Variants in DNAJC18 observed in about 807,000 individuals in gnomAD.
The protein encoded by DNAJC18 is dnaJ homolog subfamily C member 18.
Under a neutral mutation model 48.6 loss-of-function variants are expected in DNAJC18, and 40 were observed. That is an observed-to-expected ratio of 0.82 (90% CI 0.64 to 1.07). The LOEUF (loss-of-function observed/expected upper bound fraction) is 1.07, where lower values mean the gene tolerates loss of function less well. Ranked by LOEUF, DNAJC18 falls within the 50% of genes least tolerant of loss-of-function variation. The pLI is 0.00. For missense variants in DNAJC18, 340 were observed against 427.7 expected, an observed-to-expected ratio of 0.79 and a Z score of 1.81; for synonymous variants, 135 against 152.2, an observed-to-expected ratio of 0.89 and a Z score of 0.83.
chr5:139,426,227 A>G lies in DNAJC18; in HGVS notation c.504T>C (p.Ala168=). 6.2e-7 allele frequency: 1 copy of G among 1,614,256 alleles called. No individual in the cohort carries two copies. The highest frequency in any genetic ancestry group is 1.1e-5 in the South Asian group (1 of 91,088). ...RPYNYYRDFE[A]DITPEELFNV... ...TGAACAGCTCTTCTGGAGTGATGTC[A>G]GCTTCAAAATCCCTGTAATAATTAT... The change falls in exon 4 of 8, where the codon GCT becomes GCC. Residue 168 remains alanine, a synonymous_variant. Coordinates refer to ENST00000302060, the MANE Select transcript of DNAJC18 (RefSeq NM_152686.4).
In DNAJC18 at chr5:139,411,612, A is replaced by G. The variant is rs2152081633; in HGVS notation, c.*2536T>C. ...ATCAAATAGATAAATCCTTCAACCA[A>G]AAGCAAATACGGTTCCCTTGAGGAA... is the stretch of plus-strand genomic sequence containing the variant. On this transcript the variant is annotated 3_prime_UTR_variant, in exon 8 of 8. Coordinates refer to ENST00000302060, the MANE Select transcript of DNAJC18 (RefSeq NM_152686.4). The G allele has an allele frequency of 6.6e-6, 1 of 152,330 alleles. No homozygotes were observed. Among genetic ancestry groups the G allele is most frequent in the South Asian group, 2.1e-4 (1 of 4,832 alleles). 9.4% of individuals were successfully genotyped at this position (152,330 alleles called of 1,614,324 possible).
intron 5 of DNAJC18, among the ~76,000 whole-genome samples, chr5:139,423,769 G>GA (rs1455332809): frequency 1.3e-5 from 2 of 151,214 alleles, no homozygotes; most frequent in African/African-American, 4.9e-5. Context: ...AAAAAAATCT[G>GA]AAATCTGAAA....
intron 6 of DNAJC18, among the ~76,000 whole-genome samples, chr5:139,422,317 A>G (rs1189183932): frequency 6.6e-6 from 1 of 152,220 alleles, no homozygotes; most frequent in African/African-American, 2.4e-5. Flanking sequence ...TAATCACTTG[A>G]TCCCCATTAT....
chr5:139,429,983 G>A (rs1759303937), intron 2 of DNAJC18, among the ~76,000 whole-genome samples: 1 of 152,140 alleles, frequency 6.6e-6, no homozygotes, highest in South Asian at 2.1e-4. Flanking sequence ...ATATAGAGAT[G>A]AGAAGTATAG....
At chr5:139,418,867 T>C (rs915607202) in intron 7 of DNAJC18, 2 of 456,208 alleles carry the variant, frequency 4.4e-6, no homozygotes, top group African/African-American at 2.0e-5. Context: ...CAAGTTCTTA[T>C]TCCCAGACAG....
intron 2 of DNAJC18, among the ~76,000 whole-genome samples, chr5:139,433,936 G>C (rs1257919057): frequency 6.6e-6 from 1 of 152,146 alleles, no homozygotes; most frequent in Non-Finnish European, 1.5e-5. Context: ...TTGTTGCCCA[G>C]GCTGGAGTGC....
Position 139,437,865 on chromosome 5 carries a change from C to G in DNAJC18, c.41-307G>C, listed in dbSNP as rs531220777. Among the ~76,000 whole-genome samples, 27 of 152,218 alleles carry G rather than the reference C, an allele frequency of 1.8e-4. No individual in the cohort carries two copies. The South Asian group carries it at 2.7e-3, about 15-fold the overall frequency. On this transcript the variant is annotated intron_variant, in intron 1 of 7. Transcript: ENST00000302060. Reference sequence around the variant, plus strand: ...CTAACAATTATAGAACTAATATATACCAAGGAACTTGGCTAGAAGATCAAG... The same window carrying G: ...CTAACAATTATAGAACTAATATATAGCAAGGAACTTGGCTAGAAGATCAAG...
intron 2 of DNAJC18, among the ~76,000 whole-genome samples, chr5:139,429,479 C>T (rs1455467003): frequency 6.6e-6 from 1 of 152,100 alleles, no homozygotes; most frequent in Non-Finnish European, 1.5e-5. Context: ...TTCATCATTC[C>T]CTGTCCCCCA....
rs1399103919 is a variant in DNAJC18 at position 139,413,164 on chromosome 5, A to G, written c.*984T>C. The G allele has an allele frequency of 5.9e-6, 2 of 338,414 alleles. No individual in the cohort carries two copies. The highest frequency in any genetic ancestry group is 4.6e-5 in the East Asian group (1 of 21,968). The allele number at this position is 338,414 out of a possible 1,614,324, so 21.0% of individuals were successfully genotyped here. A position where few individuals can be genotyped will look rare whatever the true frequency, so the allele number is the denominator to read the frequency against. On this transcript the variant is annotated 3_prime_UTR_variant, in exon 8 of 8. Transcript: ENST00000302060. Reference sequence around the variant, plus strand: ...GTTGAATGAATGAAAAATCATCTCAAATCACAAACTATAGGATACTGGGTT... The same window carrying G: ...GTTGAATGAATGAAAAATCATCTCAGATCACAAACTATAGGATACTGGGTT...
In DNAJC18 at chr5:139,414,151, G is replaced by A. The variant is rs746227609; in HGVS notation, c.1074C>T (p.Gly358=). Residue 358 remains glycine (G), a synonymous_variant, in exon 8 of 8, where the codon GGC becomes GGT. Coordinates refer to ENST00000302060, the MANE Select transcript of DNAJC18 (RefSeq NM_152686.4). ...LSKLIGLRRG[G] is the part of the protein sequence containing the mutation. Reference sequence around the variant, plus strand: ...CCTGCGTAGGACCATTATCCTCTCAGCCACCTCTGCGTAGGCCAATGAGTT... The same window carrying A: ...CCTGCGTAGGACCATTATCCTCTCAACCACCTCTGCGTAGGCCAATGAGTT... The A allele has an allele frequency of 1.2e-5, 20 of 1,613,096 alleles. No individual in the cohort carries two copies. The highest frequency in any genetic ancestry group is 1.7e-5 in the Non-Finnish European group (20 of 1,179,682).
chr5:139,419,990 G>T, intron 7 of DNAJC18, 63 bp downstream of exon 7: 1 of 1,458,290 alleles, frequency 6.9e-7, no homozygotes, highest in Non-Finnish European at 9.1e-7. Flanking sequence ...GGATCAGGAG[G>T]CTGGGGGTGC....
chr5:139,436,903 TTC>T (rs1181910543), intron 2 of DNAJC18, among the ~76,000 whole-genome samples: 4 of 152,228 alleles, frequency 2.6e-5, no homozygotes, highest in Non-Finnish European at 5.9e-5. Context: ...TAGTGATTTA[TTC>T]TGTGACTTGC....
chr5:139,420,927 A>G (rs1304766361), intron 6 of DNAJC18, among the ~76,000 whole-genome samples: 2 of 152,162 alleles, frequency 1.3e-5, no homozygotes, highest in African/African-American at 2.4e-5. Context: ...TCTACATTAA[A>G]GGGGCTATAT....
intron 6 of DNAJC18, among the ~76,000 whole-genome samples, chr5:139,421,442 G>T (rs1759150776): frequency 6.6e-6 from 1 of 151,736 alleles, no homozygotes; most frequent in Non-Finnish European, 1.5e-5. Flanking sequence ...GGGTGACAGA[G>T]CAAGACTGCT....
intron 2 of DNAJC18, among the ~76,000 whole-genome samples, chr5:139,435,710 T>TTTTTTTTTTTG: frequency 1.0e-5 from 1 of 95,858 alleles, no homozygotes; most frequent in Non-Finnish European, 1.9e-5. Flanking sequence ...TGGAAGTTTT[T>TTTTTTTTTTTG]TTTTTTTTTT....
intron 3 of DNAJC18, among the ~76,000 whole-genome samples, chr5:139,427,016 C>T (rs1411178977): frequency 6.6e-6 from 1 of 151,846 alleles, no homozygotes; most frequent in Non-Finnish European, 1.5e-5. Context: ...CTGCATCTGG[C>T]CAAAAAAGTG....
intron 2 of DNAJC18, among the ~76,000 whole-genome samples, chr5:139,430,933 C>T (rs562525021): frequency 6.6e-6 from 1 of 152,216 alleles, no homozygotes; most frequent in Admixed American, 6.5e-5. Context: ...ATATACATTA[C>T]CTACTAATTT....
chr5:139,421,095 C>A (rs1759144785), intron 6 of DNAJC18, among the ~76,000 whole-genome samples: 1 of 152,096 alleles, frequency 6.6e-6, no homozygotes, highest in Non-Finnish European at 1.5e-5. Flanking sequence ...AGCTAAAGTG[C>A]CATATGGAAA....
intron 3 of DNAJC18, among the ~76,000 whole-genome samples, chr5:139,427,095 T>C (rs1464408925): frequency 2.0e-5 from 3 of 152,214 alleles, no homozygotes; most frequent in African/African-American, 7.2e-5. Context: ...ATATTTTAAC[T>C]TGTAGTCCAA....
Sources: gnomAD v4.1 joint callset for allele counts (sites outside exome capture counted in the v4.1 genomes callset) on GRCh38, gnomAD v4.1.1 for gene constraint, MANE v1.5 for transcripts, NCBI Gene and HGNC (gene_info 2026-07-23, HGNC 2026-07-21) for gene names.